FRAS1: variants seen among roughly 807,000 people sequenced by gnomAD.
The protein encoded by FRAS1 is extracellular matrix organizing protein FRAS1.
In FRAS1, 290 loss-of-function variants were observed where a neutral mutation model predicts 435.2. The observed-to-expected ratio is 0.67, with a 90% CI of 0.61 to 0.73. The LOEUF is 0.73. Among genes scored for constraint, FRAS1 ranks in the 30% least tolerant of loss-of-function variants. FRAS1 has a pLI of 0.00. For missense variants in FRAS1, 4,860 were observed against 5,001.5 expected, an observed-to-expected ratio of 0.97 and a Z score of 0.85; for synonymous variants, 1,800 against 1,851.0, an observed-to-expected ratio of 0.97 and a Z score of 0.71.
chr4:78,440,045 A>T (rs1461120645), intron 40 of FRAS1, among the ~76,000 whole-genome samples: 3 of 115,598 alleles, frequency 2.6e-5, no homozygotes, highest in Non-Finnish European at 5.0e-5. Context: ...TTTTTTTGAG[A>T]CGGAGTCTCG....
rs1362966304 is a variant in FRAS1, at chr4:78,446,806, C to T, written c.5936C>T (p.Ser1979Phe). ...AGCTCGGGAGTGGTGATAAGCAATT[C>T]TTCTTTGAGCCTGCAAGACCTGGAC... ...QLSSGVVISNSSLSLQDLDTP... is the reference protein window; with the variant it reads ...QLSSGVVISNFSLSLQDLDTP... The change falls in exon 43 of 74, where the codon TCT becomes TTT. Residue 1979 changes from serine to phenylalanine, a missense_variant. Physicochemically the swap from Ser to Phe is radical, Grantham distance 155 (BLOSUM62 -2). Transcript: ENST00000512123. The T allele has an allele frequency of 2.5e-6, 4 of 1,613,196 alleles. No individual in the cohort carries two copies. Among genetic ancestry groups the T allele is most frequent in the Admixed American group, 1.7e-5 (1 of 59,846 alleles).
At position 78,475,902 on chromosome 4, in the gene FRAS1, A is replaced by G. The variant is rs1017211707; in HGVS notation, c.7851+296A>G. On this transcript the variant is annotated intron_variant, in intron 54 of 73. Coordinates refer to ENST00000512123, the MANE Select transcript of FRAS1 (RefSeq NM_025074.7). ...ATCATGTTCTATATTCAGCTTTGGT[A>G]TCCCAACCGTTCTTCTCCTCTCACC... is the stretch of plus-strand genomic sequence containing the variant. Among the ~76,000 whole-genome samples, 9 of 152,320 alleles carry G rather than the reference A, an allele frequency of 5.9e-5. No individual in the cohort carries two copies. In the East Asian group the frequency reaches 1.7e-3, roughly 29 times the overall value.
At chr4:78,375,540 C>G (rs1198166506) in intron 25 of FRAS1, among the ~76,000 whole-genome samples, 199 bp from the exon 26 acceptor site, 1 of 152,230 alleles carries the variant, frequency 6.6e-6, no homozygotes, top group African/African-American at 2.4e-5. Context: ...TTTTAGATCT[C>G]ATTGTGGAAC....
At position 78,317,508 on chromosome 4, in the gene FRAS1, G is replaced by T. The variant is rs199646175; in HGVS notation, c.1960G>T (p.Ala654Ser). The change falls in exon 17 of 74, where the codon GCC becomes TCC. Residue 654 changes from alanine to serine, a missense_variant and splice_region_variant. Transcript: ENST00000512123. ...CTACTCTGACCATGGAGTCTGCAAA[G>T]GTATCGTTGGTGTCACCATCATTCT... is the stretch of plus-strand genomic sequence containing the variant. ...GFYSDHGVCK[A>S]CHSSCLACMG... 1 of 1,610,274 alleles carries T rather than the reference G, an allele frequency of 6.2e-7. No individual in the cohort carries two copies. Among genetic ancestry groups the T allele is most frequent in the African/African-American group, 1.3e-5 (1 of 74,942 alleles).
rs1350718070 is a variant in FRAS1 at position 78,473,289 on chromosome 4, A to G, written c.7523-149A>G. ...ATTTTAAAATCTGACAGAAACATTTATTTTAACAACTACTATACTTTTGGT... is the reference window on the plus strand; with the variant it reads ...ATTTTAAAATCTGACAGAAACATTTGTTTTAACAACTACTATACTTTTGGT... On this transcript the variant is annotated intron_variant, in intron 52 of 73. Coordinates refer to ENST00000512123, the MANE Select transcript of FRAS1 (RefSeq NM_025074.7). The G allele has an allele frequency of 1.1e-5, 6 of 553,808 alleles. No individual in the cohort carries two copies. In the South Asian group the frequency reaches 1.6e-4, roughly 14 times the overall value. The allele number at this position is 553,808 out of a possible 1,614,324, so 34.3% of individuals were successfully genotyped here. A position where few individuals can be genotyped will look rare whatever the true frequency, so the allele number is the denominator to read the frequency against.
intron 2 of FRAS1, among the ~76,000 whole-genome samples, chr4:78,103,608 G>T (rs910192854): frequency 6.6e-6 from 1 of 152,144 alleles, no homozygotes; most frequent in Admixed American, 6.6e-5. Flanking sequence ...AGAAAACAGG[G>T]TCTATGGGAT....
intron 17 of FRAS1, 128 bp downstream of exon 17, chr4:78,317,636 A>G (rs1729331936): frequency 1.2e-6 from 1 of 849,210 alleles, no homozygotes; most frequent in South Asian, 2.0e-5. Context: ...TCCATACATT[A>G]TATGCATTTT....
At chr4:78,233,149 A>G (rs895919005) in intron 2 of FRAS1, among the ~76,000 whole-genome samples, 4 of 152,218 alleles carry the variant, frequency 2.6e-5, no homozygotes, top group Admixed American at 2.6e-4. Context: ...TGAAGTGCAG[A>G]GAAGAACTCA....
At chr4:78,100,232 G>T (rs1418195657) in intron 2 of FRAS1, among the ~76,000 whole-genome samples, 5 of 152,170 alleles carry the variant, frequency 3.3e-5, no homozygotes, top group Non-Finnish European at 5.9e-5. Flanking sequence ...AAATGACCTG[G>T]TTGACCTCTC....
At chr4:78,368,969 A>G (rs1008459642) in intron 22 of FRAS1, among the ~76,000 whole-genome samples, 6 of 152,200 alleles carry the variant, frequency 3.9e-5, no homozygotes, top group African/African-American at 1.4e-4. Context: ...CCTGAGCTGT[A>G]TGAATTTTAA....
At chr4:78,175,568 C>T (rs1721733979) in intron 2 of FRAS1, among the ~76,000 whole-genome samples, 1 of 152,144 alleles carries the variant, frequency 6.6e-6, no homozygotes, top group Non-Finnish European at 1.5e-5. Context: ...AGGGAAACCA[C>T]AGGAATAGTG....
chr4:78,340,732 C>T (rs762002031), intron 20 of FRAS1, among the ~76,000 whole-genome samples: 2 of 152,162 alleles, frequency 1.3e-5, no homozygotes, highest in Admixed American at 6.5e-5. Context: ...ATCAAGGTGC[C>T]CGCAGGCTTG....
At chr4:78,229,428 G>T (rs879076944) in intron 2 of FRAS1, among the ~76,000 whole-genome samples, 5 of 152,054 alleles carry the variant, frequency 3.3e-5, no homozygotes, top group African/African-American at 1.2e-4. Context: ...GGCAGAAAAG[G>T]CTAATCTGAG....
intron 14 of FRAS1, among the ~76,000 whole-genome samples, chr4:78,297,719 C>T (rs1306680530): frequency 6.6e-6 from 1 of 152,022 alleles, no homozygotes; most frequent in Admixed American, 6.6e-5. Flanking sequence ...CATTTATTGC[C>T]ACAATGTTCA....
intron 23 of FRAS1, among the ~76,000 whole-genome samples, chr4:78,371,005 A>C (rs185221713): frequency 4.7e-4 from 71 of 150,954 alleles, no homozygotes; most frequent in Admixed American, 1.5e-3. Flanking sequence ...AAAATTGCAC[A>C]CTTTCCATTC....
chr4:78,536,791 G>C (rs1446926837), intron 71 of FRAS1, among the ~76,000 whole-genome samples: 1 of 151,978 alleles, frequency 6.6e-6, no homozygotes, highest in African/African-American at 2.4e-5. Flanking sequence ...TCCCTAGCAA[G>C]AAAACTCAGA....
intron 2 of FRAS1, among the ~76,000 whole-genome samples, chr4:78,136,693 A>G (rs772878643): frequency 2.0e-5 from 3 of 152,238 alleles, no homozygotes; most frequent in Non-Finnish European, 2.9e-5. Context: ...TGTTTGAGCC[A>G]GAGTTCAGGA....
chr4:78,397,202 C>T (rs1732707264), intron 29 of FRAS1, among the ~76,000 whole-genome samples: 1 of 152,188 alleles, frequency 6.6e-6, no homozygotes, highest in Admixed American at 6.5e-5. Context: ...AGAGAAAGAC[C>T]TTTACTAGTC....
At position 78,317,485 on chromosome 4, in the gene FRAS1, A is replaced by G. The variant is rs751444327; in HGVS notation, c.1937A>G (p.Tyr646Cys). 5.0e-6 allele frequency: 8 copies of G among 1,613,564 alleles called. No homozygotes were observed. The South Asian group carries it at 6.6e-5, about 13-fold the overall frequency. Residue 646 changes from tyrosine (Y) to cysteine (C), a missense_variant, in exon 17 of 74, where the codon TAC becomes TGC. Tyr to Cys is a radical substitution (Grantham distance 194). Transcript: ENST00000512123. Reference protein sequence around the residue: ...HCLPRCGEGFYSDHGVCKACH... With the variant: ...HCLPRCGEGFCSDHGVCKACH... ...CTGCCCCGCTGTGGAGAGGGTTTCT[A>G]CTCTGACCATGGAGTCTGCAAAGGT...
Sources: gnomAD v4.1 joint callset for allele counts (sites outside exome capture counted in the v4.1 genomes callset) on GRCh38, gnomAD v4.1.1 for gene constraint, MANE v1.5 for transcripts, NCBI Gene and HGNC (gene_info 2026-07-23, HGNC 2026-07-21) for gene names.